The following ZC3H18 variants were observed in gnomAD, a reference collection of about 807,000 sequenced individuals.
ZC3H18 encodes zinc finger CCCH-type containing 18.
A neutral mutation model predicts 106.1 loss-of-function variants in ZC3H18; 8 were observed. The ratio of observed to expected loss-of-function variants is 0.08; its 90% CI spans 0.04 to 0.14. The LOEUF is 0.14. Ranked by LOEUF, ZC3H18 falls within the 10% of genes least tolerant of loss-of-function variation. ZC3H18 has a pLI of 1.00. For synonymous variants in ZC3H18, 635 were observed against 522.1 expected (o/e 1.22, Z -2.95); for missense variants, 1,318 against 1,278.4 (o/e 1.03, Z -0.47).
At position 88,631,350 on chromosome 16, in the gene ZC3H18, C is replaced by T; in HGVS notation, c.*51C>T. 6.5e-7 allele frequency: 1 copy of T among 1,548,098 alleles called. No individual in the cohort carries two copies. Among genetic ancestry groups the T allele is most frequent in the South Asian group, 1.2e-5 (1 of 84,120 alleles). On this transcript the variant is annotated 3_prime_UTR_variant, in exon 18 of 18. Coordinates refer to ENST00000301011, the MANE Select transcript of ZC3H18 (RefSeq NM_144604.4). ...ATTTTTATACATAGGGTAAGCGCAGCCATTTTGGATTTTGCAGTTAATGTC... is the reference window on the plus strand; with the variant it reads ...ATTTTTATACATAGGGTAAGCGCAGTCATTTTGGATTTTGCAGTTAATGTC...
At chr16:88,601,446 G>C (rs774450135) in intron 6 of ZC3H18, among the ~76,000 whole-genome samples, 11 of 152,176 alleles carry the variant, frequency 7.2e-5, no homozygotes, top group Non-Finnish European at 1.6e-4. Flanking sequence ...TCTATTTCCA[G>C]TTTCCCTGGC....
At chr16:88,587,739 C>G (rs968791569) in intron 3 of ZC3H18, 18 of 959,552 alleles carry the variant, frequency 1.9e-5, no homozygotes, top group Non-Finnish European at 2.8e-5. Flanking sequence ...CTTTGAGGGG[C>G]AGAGAGCTGT....
In ZC3H18 at chr16:88,611,478, G is replaced by C; in HGVS notation, c.1417G>C (p.Glu473Gln). 1.3e-6 allele frequency: 2 copies of C among 1,550,420 alleles called. No individual in the cohort carries two copies. The highest frequency in any genetic ancestry group is 1.7e-6 in the Non-Finnish European group (2 of 1,146,222). ...CCGGCAGCACCGTGACCGCGACCGG[G>C]AGAAGGAGCGGGAGAAGGAGAAGGG... ...KDRQHRDRDR[E>Q]KEREKEKGKP... Residue 473 changes from glutamate to glutamine, a missense_variant, in exon 8 of 18, where the codon GAG (glutamate) becomes CAG (glutamine). Coordinates refer to ENST00000301011, the MANE Select transcript of ZC3H18 (RefSeq NM_144604.4).
chr16:88,599,281 C>G (rs979302388), intron 5 of ZC3H18, among the ~76,000 whole-genome samples: 2 of 152,242 alleles, frequency 1.3e-5, no homozygotes, highest in South Asian at 4.1e-4. Context: ...TTGGAGCTTT[C>G]TGGTCCTATC....
At position 88,631,164 on chromosome 16, in the gene ZC3H18, C is replaced by A; in HGVS notation, c.2727C>A (p.Ala909=). 1 of 1,613,616 alleles carries A rather than the reference C, an allele frequency of 6.2e-7. No individual in the cohort carries two copies. Among genetic ancestry groups the A allele is most frequent in the African/African-American group, 1.3e-5 (1 of 75,052 alleles). ...SSKVTSVPGK[A]SDPGAASTKS... is the part of the protein sequence containing the mutation. ...AGGTCACGAGCGTGCCCGGCAAAGC[C>A]TCGGATCCCGGCGCCGCCAGCACCA... The change falls in exon 18 of 18, where the codon GCC becomes GCA. Residue 909 remains alanine (A), a synonymous_variant. Transcript: ENST00000301011.
chr16:88,631,158 C>T lies in ZC3H18; in HGVS notation c.2721C>T (p.Gly907=), dbSNP rs976618729. 6.2e-6 allele frequency: 10 copies of T among 1,613,506 alleles called. No homozygotes were observed. The highest frequency in any genetic ancestry group is 8.5e-6 in the Non-Finnish European group (10 of 1,180,028). The change falls in exon 18 of 18, where the codon GGC becomes GGT. Residue 907 remains glycine (G), a synonymous_variant. Transcript: ENST00000301011. ...CCAGCAAGGTCACGAGCGTGCCCGG[C>T]AAAGCCTCGGATCCCGGCGCCGCCA... The part of the protein sequence containing the change: ...KSSSKVTSVP[G]KASDPGAAST...
chr16:88,630,325 C>G lies in ZC3H18; in HGVS notation c.2567-160C>G. On this transcript the variant is annotated intron_variant, in intron 16 of 17. Coordinates refer to ENST00000301011, the MANE Select transcript of ZC3H18 (RefSeq NM_144604.4). ...ATGCCTTGGTGCCCACATCTCTCTT[C>G]TCCTACTTGGCTCTCCCCTTTTTAT... The G allele has an allele frequency of 6.7e-6, 4 of 592,810 alleles. No homozygotes were observed. The South Asian group carries it at 8.4e-5, about 12-fold the overall frequency. The allele number at this position is 592,810 out of a possible 1,614,324, so 36.7% of individuals were successfully genotyped here.
At chr16:88,574,185 T>C (rs571058541) in intron 1 of ZC3H18, among the ~76,000 whole-genome samples, 2 of 151,786 alleles carry the variant, frequency 1.3e-5, no homozygotes, top group African/African-American at 4.8e-5. Flanking sequence ...CATTTAGTTT[T>C]TATAAAGTGA....
Position 88,624,738 on chromosome 16 carries a change from C to T in ZC3H18, c.2035C>T (p.Pro679Ser), listed in dbSNP as rs116598906. The T allele has an allele frequency of 9.3e-6, 15 of 1,611,848 alleles. No individual in the cohort carries two copies. The highest frequency in any genetic ancestry group is 3.7e-4 in the Middle Eastern group (2 of 5,470). The change falls in exon 12 of 18, where the codon CCC (proline) becomes TCC (serine). Residue 679 changes from proline to serine, a missense_variant. Around this residue, in one of 6 missense-constraint regions of ZC3H18, gnomAD observed 848 missense variants for 821.7 expected, o/e 1.03. Coordinates refer to ENST00000301011, the MANE Select transcript of ZC3H18 (RefSeq NM_144604.4). ...RRKERPARTP[P>S]RRRTLSGSGS... ...GAAGGAGCGGCCAGCCAGGACCCCC[C>T]CCAGGAGGTGAGCACTCCGGCGTCC...
At position 88,599,937 on chromosome 16, in the gene ZC3H18, C is replaced by T; in HGVS notation, c.1077C>T (p.Val359=). 2 of 1,614,052 alleles carry T rather than the reference C, an allele frequency of 1.2e-6. No homozygotes were observed. Among genetic ancestry groups the T allele is most frequent in the Non-Finnish European group, 1.7e-6 (2 of 1,179,950 alleles). Residue 359 remains valine (V), a synonymous_variant, in exon 6 of 18, where the codon GTC becomes GTT. Transcript: ENST00000301011. ...GGAATTCTCGGATCCCGAGAGATGTCAGAGACACAGTGTAAGGAATGGCCC... is the reference window on the plus strand; with the variant it reads ...GGAATTCTCGGATCCCGAGAGATGTTAGAGACACAGTGTAAGGAATGGCCC... ...RDWNSRIPRD[V]RDTVLEPYAD... is the part of the protein sequence containing the mutation.
At chr16:88,621,378 C>A (rs1301419802) in intron 8 of ZC3H18, among the ~76,000 whole-genome samples, 2 of 152,200 alleles carry the variant, frequency 1.3e-5, no homozygotes, top group Non-Finnish European at 1.5e-5. Flanking sequence ...GCGCCTGCCA[C>A]CACGCCTGGC....
chr16:88,600,780 A>G (rs1294604219), intron 6 of ZC3H18, among the ~76,000 whole-genome samples: 1 of 152,230 alleles, frequency 6.6e-6, no homozygotes, highest in East Asian at 1.9e-4. Context: ...GGTGGAAGTC[A>G]GATCTTGGGG....
chr16:88,621,034 T>A (rs974395749), intron 8 of ZC3H18, among the ~76,000 whole-genome samples: 8 of 151,918 alleles, frequency 5.3e-5, no homozygotes, highest in African/African-American at 1.2e-4. Context: ...ACCCAGCTAA[T>A]TTTTTTGTTT....
intron 6 of ZC3H18, among the ~76,000 whole-genome samples, chr16:88,604,494 G>C (rs960485975): frequency 6.6e-6 from 1 of 152,132 alleles, no homozygotes; most frequent in African/African-American, 2.4e-5. Flanking sequence ...AGACCGTTCT[G>C]GCTAACATGG....
chr16:88,577,795 A>G (rs1597319006), intron 2 of ZC3H18, 69 bp downstream of exon 2: 2 of 1,608,912 alleles, frequency 1.2e-6, no homozygotes. Context: ...GGTGCTGGAA[A>G]GGAGGGACTC....
intron 8 of ZC3H18, among the ~76,000 whole-genome samples, chr16:88,620,169 G>A (rs1905870369): frequency 6.6e-6 from 1 of 152,246 alleles, no homozygotes. Flanking sequence ...AACATTGATG[G>A]TTTTGGTGGT....
chr16:88,591,715 T>G (rs1045326536), intron 3 of ZC3H18, among the ~76,000 whole-genome samples: 1 of 152,238 alleles, frequency 6.6e-6, no homozygotes, highest in African/African-American at 2.4e-5. Context: ...GGCGTAAAAA[T>G]CTCTTCAGAC....
chr16:88,627,753 C>G lies in ZC3H18; in HGVS notation c.2240C>G (p.Pro747Arg), dbSNP rs142295038. 1.9e-5 allele frequency: 31 copies of G among 1,612,542 alleles called. No homozygotes were observed. The Admixed American group carries it at 2.7e-4, about 14-fold the overall frequency. ...SPVSSASSRS[P>R]APAQTRKEKG... is the part of the protein sequence containing the mutation. ...GTGTCCTCAGCCAGCTCTCGGTCCC[C>G]GGCCCCAGCCCAGACCAGGAAGGAG... Residue 747 changes from proline to arginine, a missense_variant, in exon 14 of 18, where the codon CCG (proline) becomes CGG (arginine). By Grantham distance (103) the Pro-to-Arg change is moderately radical (BLOSUM62 -2). Coordinates refer to ENST00000301011, the MANE Select transcript of ZC3H18 (RefSeq NM_144604.4). This position sits in a 1 kb window ranked among gnomAD's most constrained non-coding sequence, Gnocchi z 4.5.
Position 88,631,175 on chromosome 16 carries a change from G to GCGCCGCCAGCAC in ZC3H18, c.2740_2751dup (p.Ala914_Thr917dup), listed in dbSNP as rs1567602881. 1 of 1,613,670 alleles carries GCGCCGCCAGCAC rather than the reference G, an allele frequency of 6.2e-7. No individual in the cohort carries two copies. The highest frequency in any genetic ancestry group is 1.1e-5 in the South Asian group (1 of 91,086). On this transcript the variant is annotated inframe_insertion, in exon 18 of 18. Coordinates refer to ENST00000301011, the MANE Select transcript of ZC3H18 (RefSeq NM_144604.4). ...GTGCCCGGCAAAGCCTCGGATCCCG[G>GCGCCGCCAGCAC]CGCCGCCAGCACCAAATCAGGGAAG...
Sources: allele counts gnomAD v4.1 joint callset (sites outside exome capture counted in the v4.1 genomes callset), GRCh38; gene constraint gnomAD v4.1.1; regional missense constraint gnomAD v4.1.1; non-coding constraint Gnocchi (gnomAD v3.1); transcripts MANE v1.5; gene names NCBI Gene and HGNC (gene_info 2026-07-23, HGNC 2026-07-21).